Variants in EFR3A observed in about 807,000 individuals in gnomAD.
EFR3A encodes the protein EFR3 homolog A, also known as protein EFR3 homolog A.
Under a neutral mutation model 104.4 loss-of-function variants are expected in EFR3A, and 76 were observed. That is an observed-to-expected ratio of 0.73 (90% CI 0.60 to 0.88). The LOEUF (loss-of-function observed/expected upper bound fraction) is 0.88, where lower values mean the gene tolerates loss of function less well. Among genes scored for constraint, EFR3A ranks in the 40% least tolerant of loss-of-function variants. EFR3A has a pLI of 0.00. For synonymous variants in EFR3A, 330 were observed against 330.0 expected (o/e 1.00, Z 0.00); for missense variants, 985 against 1,012.5 (o/e 0.97, Z 0.37).
At chr8:132,003,109 A>G (rs1397712704) in intron 21 of EFR3A, 127 bp from the exon 22 acceptor site, 1 of 740,008 alleles carries the variant, frequency 1.4e-6, no homozygotes, top group Non-Finnish European at 2.2e-6. Flanking sequence ...ACTTTAAAGC[A>G]TTGTGTACTT....
chr8:131,906,138 T>C (rs1462263237), intron 1 of EFR3A, among the ~76,000 whole-genome samples: 1 of 151,900 alleles, frequency 6.6e-6, no homozygotes, highest in African/African-American at 2.4e-5. Flanking sequence ...GTGAGGTGAA[T>C]AGTGTTCATA....
At chr8:131,970,212 T>TA (rs1345147587) in intron 9 of EFR3A, among the ~76,000 whole-genome samples, 1 of 152,218 alleles carries the variant, frequency 6.6e-6, no homozygotes, top group Non-Finnish European at 1.5e-5. Context: ...CTTATATGCC[T>TA]ATACACATTT....
At chr8:132,010,438 A>AG (rs2130826492) in intron 22 of EFR3A, among the ~76,000 whole-genome samples, 1 of 136,936 alleles carries the variant, frequency 7.3e-6, no homozygotes, top group African/African-American at 2.8e-5. Context: ...ATATATATAT[A>AG]TATATATATA....
In EFR3A at chr8:131,953,983, T is replaced by TTTAAACAAGAC; in HGVS notation, c.638+17_638+18insTAAACAAGACT. The TTTAAACAAGAC allele has an allele frequency of 6.6e-7, 1 of 1,521,440 alleles. No homozygotes were observed. Among genetic ancestry groups the TTTAAACAAGAC allele is most frequent in the Non-Finnish European group, 8.8e-7 (1 of 1,130,716 alleles). 94.2% of individuals were successfully genotyped at this position (1,521,440 alleles called of 1,614,324 possible). A position where few individuals can be genotyped will look rare whatever the true frequency, so the allele number is the denominator to read the frequency against. On this transcript the variant is annotated intron_variant, in intron 6 of 22. Transcript: ENST00000254624. ...AAGTTGACAGGTATTTAAAAAAATATTAGTGTTGAGACAGTGTTACTTTTA... is the reference window on the plus strand; with the variant it reads ...AAGTTGACAGGTATTTAAAAAAATATTTAAACAAGACTAGTGTTGAGACAGTGTTACTTTTA...
intron 10 of EFR3A, among the ~76,000 whole-genome samples, 165 bp downstream of exon 10, chr8:131,970,808 A>C (rs529451213): frequency 1.3e-5 from 2 of 152,346 alleles, no homozygotes; most frequent in South Asian, 2.1e-4. Context: ...GGAACAAAGA[A>C]CACTATGTTG....
Position 131,979,030 on chromosome 8 carries a change from A to G in EFR3A, c.1499+11A>G, listed in dbSNP as rs749852030. 1 of 1,592,674 alleles carries G rather than the reference A, an allele frequency of 6.3e-7. No individual in the cohort carries two copies. The highest frequency in any genetic ancestry group is 1.2e-5 in the South Asian group (1 of 85,900). Reference sequence around the variant, plus strand: ...GCTTCGAGGGATCAGGTAATGTGCCATTTTGAAATGGATCTAATGATAATG... The same window carrying G: ...GCTTCGAGGGATCAGGTAATGTGCCGTTTTGAAATGGATCTAATGATAATG... On this transcript the variant is annotated intron_variant, in intron 13 of 22. Coordinates refer to ENST00000254624, the MANE Select transcript of EFR3A (RefSeq NM_015137.6).
intron 7 of EFR3A, among the ~76,000 whole-genome samples, chr8:131,956,801 A>T (rs926475625): frequency 6.6e-6 from 1 of 152,170 alleles, no homozygotes; most frequent in Non-Finnish European, 1.5e-5. Context: ...CCTCCAAAAT[A>T]TTGAGATCTA....
intron 1 of EFR3A, among the ~76,000 whole-genome samples, chr8:131,926,951 T>C (rs1211655998): frequency 1.3e-5 from 2 of 152,170 alleles, no homozygotes; most frequent in African/African-American, 2.4e-5. Flanking sequence ...ATTTCCAAGG[T>C]TGCATTTTTC....
At chr8:131,997,336 T>C (rs1821547107) in intron 19 of EFR3A, among the ~76,000 whole-genome samples, 1 of 152,066 alleles carries the variant, frequency 6.6e-6, no homozygotes, top group Admixed American at 6.5e-5. Flanking sequence ...GGAAGTTAGC[T>C]GAATTATGCT....
chr8:131,904,812 C>G (rs1244973733), intron 1 of EFR3A, among the ~76,000 whole-genome samples: 2 of 152,192 alleles, frequency 1.3e-5, no homozygotes, highest in Non-Finnish European at 2.9e-5. Context: ...CGGCTGAAGT[C>G]GGAGCTTTCT....
At chr8:131,918,582 A>T (rs916225753) in intron 1 of EFR3A, among the ~76,000 whole-genome samples, 8 of 152,178 alleles carry the variant, frequency 5.3e-5, no homozygotes, top group Non-Finnish European at 1.2e-4. Context: ...TTTTATTTAG[A>T]TATGTAATTA....
chr8:131,934,291 T>A (rs1405938066), intron 1 of EFR3A, among the ~76,000 whole-genome samples: 1 of 152,158 alleles, frequency 6.6e-6, no homozygotes, highest in Non-Finnish European at 1.5e-5. Context: ...ATTACAGTTG[T>A]CCTTCACTGT....
intron 8 of EFR3A, among the ~76,000 whole-genome samples, chr8:131,964,621 A>G (rs1586615243): frequency 1.3e-5 from 2 of 152,362 alleles, no homozygotes; most frequent in Middle Eastern, 6.8e-3. Context: ...AGAAGAATCA[A>G]TATCATGAAA....
At chr8:131,966,192 C>T (rs58724730) in intron 8 of EFR3A, among the ~76,000 whole-genome samples, 23,353 of 151,830 alleles carry the variant, frequency 0.15, 2,281 homozygotes, top group East Asian at 0.34. Flanking sequence ...CACATGTACC[C>T]TAAAACTTAA....
At chr8:131,931,100 G>A (rs1191627219) in intron 1 of EFR3A, among the ~76,000 whole-genome samples, 5 of 152,092 alleles carry the variant, frequency 3.3e-5, no homozygotes, top group African/African-American at 1.2e-4. Flanking sequence ...TTTTTAGAAA[G>A]AAGAATTCTG....
chr8:131,980,330 A>G (rs938712922), intron 14 of EFR3A, among the ~76,000 whole-genome samples: 8 of 152,156 alleles, frequency 5.3e-5, no homozygotes, highest in Admixed American at 2.6e-4. Context: ...TTAAAAAATA[A>G]TTTACAAAAT....
chr8:131,939,473 G>T (rs142825000), intron 1 of EFR3A, among the ~76,000 whole-genome samples: 3 of 152,270 alleles, frequency 2.0e-5, no homozygotes, highest in African/African-American at 7.2e-5. Context: ...TAAACTAAAA[G>T]CAGTGTATAG....
chr8:131,952,085 CAA>C (rs1818730897), intron 5 of EFR3A, among the ~76,000 whole-genome samples: 2 of 152,060 alleles, frequency 1.3e-5, no homozygotes, highest in Non-Finnish European at 2.9e-5. Context: ...TCATGCATCA[CAA>C]TCTTTAACTC....
chr8:131,984,518 A>T (rs1292444409), intron 15 of EFR3A, among the ~76,000 whole-genome samples: 1 of 152,210 alleles, frequency 6.6e-6, no homozygotes, highest in Non-Finnish European at 1.5e-5. Context: ...GGCCATAGGG[A>T]TATAGTGTGA....
Sources: gnomAD v4.1 joint callset for allele counts (sites outside exome capture counted in the v4.1 genomes callset) on GRCh38, gnomAD v4.1.1 for gene constraint, MANE v1.5 for transcripts, NCBI Gene and HGNC (gene_info 2026-07-23, HGNC 2026-07-21) for gene names.